ADAM10: variants seen among roughly 807,000 people sequenced by gnomAD.
The protein encoded by ADAM10 is ADAM metallopeptidase domain 10, also known as disintegrin and metalloproteinase domain-containing protein 10.
A neutral mutation model predicts 90.1 loss-of-function variants in ADAM10; 17 were observed. The ratio of observed to expected loss-of-function variants is 0.19; its 90% CI spans 0.13 to 0.28. The LOEUF (loss-of-function observed/expected upper bound fraction) is 0.28, where lower values mean the gene tolerates loss of function less well. Among genes scored for constraint, ADAM10 ranks in the 10% least tolerant of loss-of-function variants. ADAM10 has a pLI of 1.00. For missense variants in ADAM10, 610 were observed against 914.3 expected (o/e 0.67, Z 4.29); for synonymous variants, 310 against 298.6 (o/e 1.04, Z -0.40).
At chr15:58,634,445 A>G (rs930265752) in intron 8 of ADAM10, among the ~76,000 whole-genome samples, 14 of 152,208 alleles carry the variant, frequency 9.2e-5, no homozygotes, top group African/African-American at 3.4e-4. Context: ...AAGAAAAACC[A>G]TATTTCCACT....
chr15:58,681,402 A>T (rs1287953694), intron 3 of ADAM10, among the ~76,000 whole-genome samples: 1 of 152,254 alleles, frequency 6.6e-6, no homozygotes, highest in Admixed American at 6.5e-5. Context: ...GGCACAATCG[A>T]AAAATGAGAA....
rs143941200 is a variant in ADAM10 at position 58,721,268 on chromosome 15, T to C, written c.56-3541A>G. ...GTAATGATTTTCTGAATCTTTGTAA[T>C]TGAGATAGAACATGATTCATAGGGT... On this transcript the variant is annotated intron_variant, in intron 1 of 15. Transcript: ENST00000260408. Among the ~76,000 whole-genome samples the C allele has an allele frequency of 8.5e-3, 1,298 of 152,320 alleles. 18 individuals carry two copies. Among genetic ancestry groups the C allele is most frequent in the Non-Finnish European group, 0.011 (719 of 68,030 alleles).
At chr15:58,740,975 T>C (rs1316084539) in intron 1 of ADAM10, among the ~76,000 whole-genome samples, 2 of 152,214 alleles carry the variant, frequency 1.3e-5, no homozygotes, top group Admixed American at 1.3e-4. Context: ...ATTTTAATAA[T>C]ATTTATATAG....
intron 10 of ADAM10, among the ~76,000 whole-genome samples, chr15:58,623,356 C>T (rs182231053): frequency 6.6e-6 from 1 of 152,260 alleles, no homozygotes; most frequent in Admixed American, 6.5e-5. Flanking sequence ...TTTCAGGGCC[C>T]CCAGGGATGT....
At chr15:58,637,177 A>G (rs1342067758) in intron 8 of ADAM10, among the ~76,000 whole-genome samples, 1 of 152,230 alleles carries the variant, frequency 6.6e-6, no homozygotes, top group African/African-American at 2.4e-5. Context: ...TGTAATATCA[A>G]ACTAAAACAT....
intron 2 of ADAM10, among the ~76,000 whole-genome samples, chr15:58,715,196 C>A (rs1214949734): frequency 1.3e-5 from 2 of 151,830 alleles, no homozygotes; most frequent in Non-Finnish European, 2.9e-5. Context: ...CCGAGGTGAG[C>A]GGATCACTTG....
chr15:58,712,272 T>C (rs897635572), intron 2 of ADAM10, among the ~76,000 whole-genome samples: 1 of 152,110 alleles, frequency 6.6e-6, no homozygotes, highest in African/African-American at 2.4e-5. Context: ...AAGATAGGAA[T>C]GGCCAGGCAC....
In ADAM10 at chr15:58,734,262, T is replaced by C. The variant is rs1899355438; in HGVS notation, c.55+15218A>G. Among the ~76,000 whole-genome samples the C allele has an allele frequency of 2.0e-5, 3 of 152,194 alleles. No homozygotes were observed. In the South Asian group the frequency reaches 6.2e-4, roughly 32 times the overall value. On this transcript the variant is annotated intron_variant, in intron 1 of 15. Transcript: ENST00000260408. ...AGCACTTGCTATCTGCCAGGCTCTG[T>C]ACTGCTCTACATTTTTTTCATTTAA...
chr15:58,588,814 T>G lies in ADAM10; in HGVS notation c.*8733A>C, dbSNP rs1360961869. 1 of 152,016 alleles carries G rather than the reference T, an allele frequency of 6.6e-6. No homozygotes were observed. The highest frequency in any genetic ancestry group is 1.5e-5 in the Non-Finnish European group (1 of 68,012). 9.4% of individuals were successfully genotyped at this position (152,016 alleles called of 1,614,324 possible). On this transcript the variant is annotated 3_prime_UTR_variant, in exon 16 of 16. Transcript: ENST00000260408. The stretch of plus-strand genomic sequence containing the variant: ...TTCATCCACAAACACAAATCTAGAG[T>G]CTCCCATTTTATTTCTAATTTGAGC...
At chr15:58,655,337 CAGG>C (rs1896781330) in intron 5 of ADAM10, 1 of 154,080 alleles carries the variant, frequency 6.5e-6, no homozygotes, top group South Asian at 2.0e-4. Flanking sequence ...AGAGAGGTCT[CAGG>C]AAGCTTATAA....
intron 2 of ADAM10, among the ~76,000 whole-genome samples, chr15:58,707,829 C>T (rs2140801063): frequency 6.6e-6 from 1 of 152,270 alleles, no homozygotes; most frequent in East Asian, 1.9e-4. Context: ...GTAATCCTAG[C>T]ACTTTGGGAG....
chr15:58,656,936 C>T (rs1461359831), intron 5 of ADAM10, among the ~76,000 whole-genome samples: 4 of 152,114 alleles, frequency 2.6e-5, no homozygotes, highest in Non-Finnish European at 5.9e-5. Context: ...ATTTCTCCTT[C>T]GTGTTTGAAG....
chr15:58,646,744 G>A (rs1025947727), intron 5 of ADAM10, among the ~76,000 whole-genome samples: 2 of 152,160 alleles, frequency 1.3e-5, no homozygotes, highest in Admixed American at 6.5e-5. Flanking sequence ...CCTCAATAAT[G>A]TATTTCAATG....
At chr15:58,717,374 T>C (rs997204087) in intron 2 of ADAM10, among the ~76,000 whole-genome samples, 1 of 152,202 alleles carries the variant, frequency 6.6e-6, no homozygotes, top group Non-Finnish European at 1.5e-5. Flanking sequence ...AACATTTAAA[T>C]TTGACTGTTT....
chr15:58,693,150 G>A (rs757068452), intron 2 of ADAM10: 2 of 733,698 alleles, frequency 2.7e-6, no homozygotes, highest in Non-Finnish European at 5.1e-6. Context: ...CTGCCTAAAA[G>A]GCAAAAGTCG....
intron 4 of ADAM10, among the ~76,000 whole-genome samples, chr15:58,670,039 A>G (rs969500624): frequency 1.3e-5 from 2 of 152,080 alleles, no homozygotes; most frequent in Non-Finnish European, 2.9e-5. Context: ...ATAGTTTCAC[A>G]GACATAAACA....
chr15:58,709,778 A>T (rs1898414908), intron 2 of ADAM10, among the ~76,000 whole-genome samples: 1 of 152,062 alleles, frequency 6.6e-6, no homozygotes, highest in Non-Finnish European at 1.5e-5. Flanking sequence ...CCACTAAATA[A>T]GCCATCAGAT....
In ADAM10 at chr15:58,690,739, T is replaced by C. The variant is rs575626911; in HGVS notation, c.207-8425A>G. On this transcript the variant is annotated intron_variant, in intron 2 of 15. Transcript: ENST00000260408. ...AAGGTTTGCAGGTATAAACTCTTAA[T>C]CTACTTCTTCCATGTGAAACACATC... 3.3e-5 allele frequency among the ~76,000 whole-genome samples: 5 copies of C among 152,286 alleles called. No homozygotes were observed. The East Asian group carries it at 9.6e-4, about 29-fold the overall frequency.
At chr15:58,685,242 A>G (rs963431172) in intron 2 of ADAM10, among the ~76,000 whole-genome samples, 5 of 150,522 alleles carry the variant, frequency 3.3e-5, no homozygotes, top group Admixed American at 6.6e-5. Context: ...CAGGCAGATC[A>G]TGAGGTCAGG....
Sources: allele counts gnomAD v4.1 joint callset (sites outside exome capture counted in the v4.1 genomes callset), GRCh38; gene constraint gnomAD v4.1.1; transcripts MANE v1.5; gene names NCBI Gene and HGNC (gene_info 2026-07-23, HGNC 2026-07-21).